The following ASB15 variants were observed in gnomAD, a reference collection of about 807,000 sequenced individuals.
The protein encoded by ASB15 is ankyrin repeat and SOCS box protein 15.
A neutral mutation model predicts 58.0 loss-of-function variants in ASB15; 54 were observed. That is an observed-to-expected ratio of 0.93 (90% confidence interval 0.75 to 1.17). The LOEUF is 1.17. Ranked by LOEUF, ASB15 falls within the 50% of genes most tolerant of loss-of-function variation. The pLI, the probability that ASB15 is intolerant of heterozygous loss-of-function variation, is 0.00. For missense variants in ASB15, 680 were observed against 707.4 expected, an observed-to-expected ratio of 0.96 and a Z score of 0.44; for synonymous variants, 249 against 262.4, an observed-to-expected ratio of 0.95 and a Z score of 0.50.
chr7:123,620,534 A>ATATATG (rs1801210401), intron 7 of ASB15, among the ~76,000 whole-genome samples: 1 of 16,700 alleles, frequency 6.0e-5, no homozygotes, highest in South Asian at 2.3e-3. Context: ...ATATATATAT[A>ATATATG]TATATATATA....
chr7:123,567,142 A>G (rs1319613513), intron 1 of ASB15: 3 of 149,920 alleles, frequency 2.0e-5, no homozygotes, highest in South Asian at 4.3e-4. Flanking sequence ...TTCTGGGCCA[A>G]TCCTTTTGCA....
Position 123,628,752 on chromosome 7 carries a change from A to G in ASB15, c.870-112A>G, listed in dbSNP as rs1439124195. ...AATGTTTCAGTATAAAGTTATCTAG[A>G]GAAAATAAGGGAAACTATACAACTT... is the stretch of plus-strand genomic sequence containing the variant. On this transcript the variant is annotated intron_variant, in intron 9 of 11. Coordinates refer to ENST00000451215, the MANE Select transcript of ASB15 (RefSeq NM_001290258.2). The G allele has an allele frequency of 4.4e-6, 3 of 689,152 alleles. No homozygotes were observed. The East Asian group carries it at 8.9e-5, about 20-fold the overall frequency. The allele number at this position is 689,152 out of a possible 1,614,324, so 42.7% of individuals were successfully genotyped here.
chr7:123,593,553 A>T (rs1203030132), intron 1 of ASB15, among the ~76,000 whole-genome samples: 5 of 152,154 alleles, frequency 3.3e-5, no homozygotes, highest in African/African-American at 1.2e-4. Flanking sequence ...TGGATATGAA[A>T]TTCTGGGTTG....
intron 11 of ASB15, among the ~76,000 whole-genome samples, chr7:123,635,401 T>C (rs1388452535): frequency 3.3e-5 from 5 of 152,084 alleles, no homozygotes; most frequent in African/African-American, 4.8e-5. Flanking sequence ...AGCTTGGAGA[T>C]TGCAAGACAG....
rs754478085 is a variant in ASB15 at position 123,614,574 on chromosome 7, C to A, written c.72C>A (p.Ser24=). 1.9e-5 allele frequency: 31 copies of A among 1,610,906 alleles called. No homozygotes were observed. The highest frequency in any genetic ancestry group is 2.5e-5 in the Non-Finnish European group (30 of 1,177,488). ...ATATTCAGCTAAGTATTCAAGAATC[C>A]ATTGAAGCCAGCAAGACTGCACTTT... ...SYDIQLSIQE[S]IEASKTALCP... The change falls in exon 4 of 12, where the codon TCC becomes TCA. Residue 24 remains serine (S), a synonymous_variant. Coordinates refer to ENST00000451215, the MANE Select transcript of ASB15 (RefSeq NM_001290258.2).
intron 9 of ASB15, among the ~76,000 whole-genome samples, 188 bp from the exon 10 acceptor site, chr7:123,628,676 T>C (rs959315677): frequency 1.1e-4 from 17 of 152,332 alleles, no homozygotes; most frequent in African/African-American, 4.1e-4. Context: ...AAATCAAAAC[T>C]GAGCTACATT....
chr7:123,588,381 C>A (rs1355051556), intron 1 of ASB15, among the ~76,000 whole-genome samples: 1 of 151,432 alleles, frequency 6.6e-6, no homozygotes, highest in East Asian at 1.9e-4. Context: ...TGATTTTATT[C>A]ATTTCATTTG....
At chr7:123,586,730 G>T (rs531499895) in intron 1 of ASB15, among the ~76,000 whole-genome samples, 1 of 151,430 alleles carries the variant, frequency 6.6e-6, no homozygotes, top group Non-Finnish European at 1.5e-5. Context: ...GTTAATTTTT[G>T]TATATGGTGT....
chr7:123,628,075 T>C (rs1315433625), intron 9 of ASB15, among the ~76,000 whole-genome samples: 1 of 152,218 alleles, frequency 6.6e-6, no homozygotes, highest in Non-Finnish European at 1.5e-5. Context: ...GTGACTCTCA[T>C]ACATGTCTGG....
At position 123,638,210 on chromosome 7, in the gene ASB15, T is replaced by A. The variant is rs1187674409; in HGVS notation, c.*1229T>A. On this transcript the variant is annotated 3_prime_UTR_variant, in exon 12 of 12. Coordinates refer to ENST00000451215, the MANE Select transcript of ASB15 (RefSeq NM_001290258.2). Reference sequence around the variant, plus strand: ...ATCTCAGAAGAGTCTTTTACAAATATAATAGAGTTTCACTTCTCTGCTTAA... The same window carrying A: ...ATCTCAGAAGAGTCTTTTACAAATAAAATAGAGTTTCACTTCTCTGCTTAA... The A allele has an allele frequency of 6.6e-6, 1 of 152,178 alleles. No homozygotes were observed. 9.4% of individuals were successfully genotyped at this position (152,178 alleles called of 1,614,324 possible).
At chr7:123,605,624 A>G (rs1562922992) in intron 2 of ASB15, among the ~76,000 whole-genome samples, 1 of 152,234 alleles carries the variant, frequency 6.6e-6, no homozygotes, top group Non-Finnish European at 1.5e-5. Flanking sequence ...CTGGATAAAG[A>G]TAATGTTGTA....
At chr7:123,636,103 C>T (rs1584829686) in intron 11 of ASB15, among the ~76,000 whole-genome samples, 1 of 151,956 alleles carries the variant, frequency 6.6e-6, no homozygotes, top group Non-Finnish European at 1.5e-5. Context: ...AGACATTAAG[C>T]GATTTGCCCA....
chr7:123,619,931 T>C (rs1450971605), intron 7 of ASB15: 1 of 152,092 alleles, frequency 6.6e-6, no homozygotes, highest in Non-Finnish European at 1.5e-5. Flanking sequence ...AAAGCTTCTG[T>C]AACAAAAAAC....
chr7:123,629,982 C>A lies in ASB15; in HGVS notation c.1457C>A (p.Thr486Lys), dbSNP rs1280329291. The change falls in exon 11 of 12, where the codon ACA becomes AAA. Residue 486 changes from threonine (T) to lysine (K), a missense_variant. Coordinates refer to ENST00000451215, the MANE Select transcript of ASB15 (RefSeq NM_001290258.2). ...TTCTCTCAGTTCTGTGAGTTTATTA[C>A]AGTTCCTTGGATGAAGCACTTGGTA... ...IKDNPFCEFI[T>K]VPWMKHLVGR... 1 of 1,588,248 alleles carries A rather than the reference C, an allele frequency of 6.3e-7. No homozygotes were observed. The highest frequency in any genetic ancestry group is 8.6e-7 in the Non-Finnish European group (1 of 1,161,736).
At position 123,638,154 on chromosome 7, in the gene ASB15, T is replaced by C. The variant is rs1217691496; in HGVS notation, c.*1173T>C. On this transcript the variant is annotated 3_prime_UTR_variant, in exon 12 of 12. Coordinates refer to ENST00000451215, the MANE Select transcript of ASB15 (RefSeq NM_001290258.2). Reference sequence around the variant, plus strand: ...TTATCTGGCTCCCCTGACTCTGTCTTGCCCTGTCCCAAACACTTTCTACAT... The same window carrying C: ...TTATCTGGCTCCCCTGACTCTGTCTCGCCCTGTCCCAAACACTTTCTACAT... 6 of 152,184 alleles carry C rather than the reference T, an allele frequency of 3.9e-5. No homozygotes were observed. Among genetic ancestry groups the C allele is most frequent in the Admixed American group, 1.3e-4 (2 of 15,268 alleles). 9.4% of individuals were successfully genotyped at this position (152,184 alleles called of 1,614,324 possible). A position where few individuals can be genotyped will look rare whatever the true frequency, so the allele number is the denominator to read the frequency against.
Position 123,629,444 on chromosome 7 carries a change from G to A in ASB15, c.1440+10G>A. 6.4e-7 allele frequency: 1 copy of A among 1,573,126 alleles called. No individual in the cohort carries two copies. The highest frequency in any genetic ancestry group is 8.6e-7 in the Non-Finnish European group (1 of 1,156,202). ...AATAAAAGATAACCCGGTGAGTTAT[G>A]CCTTTTCTGCTTTATATTGAGTTAT... On this transcript the variant is annotated intron_variant, in intron 10 of 11. Coordinates refer to ENST00000451215, the MANE Select transcript of ASB15 (RefSeq NM_001290258.2).
chr7:123,605,550 T>G (rs1317382546), intron 2 of ASB15, among the ~76,000 whole-genome samples: 1 of 152,198 alleles, frequency 6.6e-6, no homozygotes, highest in African/African-American at 2.4e-5. Context: ...ACACGTACGT[T>G]CACTGCAGTA....
At chr7:123,600,175 A>G (rs1799828465), upstream of ASB15, among the ~76,000 whole-genome samples, 1 of 152,156 alleles carries the variant, frequency 6.6e-6, no homozygotes, top group African/African-American at 2.4e-5. Context: ...TAATCTCAAA[A>G]ATGTAAATAA....
intron 7 of ASB15, among the ~76,000 whole-genome samples, chr7:123,618,810 A>T (rs921620969): frequency 1.3e-5 from 2 of 152,182 alleles, no homozygotes; most frequent in South Asian, 2.1e-4. Flanking sequence ...AACTTGGATA[A>T]ATCATGAACA....
Sources: allele counts gnomAD v4.1 joint callset (sites outside exome capture counted in the v4.1 genomes callset), GRCh38; gene constraint gnomAD v4.1.1; transcripts MANE v1.5; gene names NCBI Gene and HGNC (gene_info 2026-07-23, HGNC 2026-07-21).